The following WWOX variants were observed in gnomAD, a reference collection of about 807,000 sequenced individuals.
The protein encoded by WWOX is WW domain containing oxidoreductase.
In WWOX, 69 loss-of-function variants were observed where a neutral mutation model predicts 46.2. That is an observed-to-expected ratio of 1.49 (90% CI 1.23 to 1.82). The LOEUF (loss-of-function observed/expected upper bound fraction) is 1.82. WWOX is among the 40% of genes most tolerant of loss of function. The pLI, the probability that WWOX is intolerant of heterozygous loss-of-function variation, is 0.00. For missense variants in WWOX, 919 were observed against 542.6 expected (o/e 1.69, Z -6.89); for synonymous variants, 359 against 202.6 (o/e 1.77, Z -6.56).
chr16:78,994,664 A>C (rs1012427622), intron 8 of WWOX, among the ~76,000 whole-genome samples: 2 of 152,206 alleles, frequency 1.3e-5, no homozygotes, highest in African/African-American at 4.8e-5. Context: ...AGGAAGCCCA[A>C]TCGCGTCACA....
intron 8 of WWOX, chr16:78,996,151 A>AAT (rs2046983308): frequency 1.2e-6 from 1 of 848,062 alleles, no homozygotes; most frequent in Non-Finnish European, 1.4e-6. Context: ...CTTTTTTTTA[A>AAT]TTTTTTTTTT....
At chr16:78,470,511 T>G (rs1408410323) in intron 8 of WWOX, among the ~76,000 whole-genome samples, 1 of 151,942 alleles carries the variant, frequency 6.6e-6, no homozygotes, top group Non-Finnish European at 1.5e-5. Flanking sequence ...TTTTCATGTA[T>G]GTATATATGT....
intron 8 of WWOX, among the ~76,000 whole-genome samples, chr16:78,594,899 G>A (rs954562569): frequency 2.0e-5 from 3 of 152,162 alleles, no homozygotes; most frequent in Non-Finnish European, 4.4e-5. Context: ...CATATTGCAA[G>A]TAAAGAATTA....
intron 8 of WWOX, among the ~76,000 whole-genome samples, chr16:78,932,130 AAC>A (rs1184633153): frequency 6.6e-6 from 1 of 152,210 alleles, no homozygotes; most frequent in African/African-American, 2.4e-5. Context: ...GCAGCATGAG[AAC>A]AAACTAATAC....
chr16:78,311,852 A>G (rs1486175232), intron 5 of WWOX, among the ~76,000 whole-genome samples: 1 of 152,164 alleles, frequency 6.6e-6, no homozygotes, highest in Non-Finnish European at 1.5e-5. Context: ...GTGTCTTGAG[A>G]CAAGACATTT....
intron 8 of WWOX, among the ~76,000 whole-genome samples, chr16:78,838,361 C>A (rs1285220093): frequency 6.6e-6 from 1 of 152,112 alleles, no homozygotes; most frequent in African/African-American, 2.4e-5. Context: ...GGCGCTCCTG[C>A]ATGTTGATTC....
chr16:78,395,255 A>G (rs1239702076), intron 6 of WWOX, among the ~76,000 whole-genome samples: 1 of 152,202 alleles, frequency 6.6e-6, no homozygotes, highest in Non-Finnish European at 1.5e-5. Flanking sequence ...GTGATGTCTC[A>G]TGCCTGTTAT....
At chr16:78,737,163 G>A (rs1280358052) in intron 8 of WWOX, among the ~76,000 whole-genome samples, 1 of 151,762 alleles carries the variant, frequency 6.6e-6, no homozygotes, top group African/African-American at 2.4e-5. Flanking sequence ...GCAGTGGTAT[G>A]ATCTCGGCTC....
At chr16:78,665,369 A>G (rs1303391813) in intron 8 of WWOX, among the ~76,000 whole-genome samples, 1 of 152,192 alleles carries the variant, frequency 6.6e-6, no homozygotes, top group Non-Finnish European at 1.5e-5. Flanking sequence ...GAATATAACT[A>G]TTAAATAATT....
intron 8 of WWOX, among the ~76,000 whole-genome samples, chr16:78,909,501 G>A (rs899011238): frequency 1.3e-5 from 2 of 152,156 alleles, no homozygotes; most frequent in African/African-American, 4.8e-5. Context: ...AGTGTGCACG[G>A]TTGGCCTCCT....
At chr16:78,789,119 C>T (rs988732880) in intron 8 of WWOX, among the ~76,000 whole-genome samples, 5 of 152,022 alleles carry the variant, frequency 3.3e-5, no homozygotes, top group South Asian at 4.2e-4. Flanking sequence ...AGGTCATGAA[C>T]GTTTACCTCT....
intron 8 of WWOX, among the ~76,000 whole-genome samples, chr16:78,576,310 GCTTT>G (rs1346166298): frequency 5.9e-5 from 9 of 152,276 alleles, no homozygotes; most frequent in Middle Eastern, 3.4e-3. Context: ...AAAATGTCCA[GCTTT>G]CTTTCTTTTA....
rs62034047 is a variant in WWOX, at chr16:78,245,047, C to T, written c.516+80758C>T. Among the ~76,000 whole-genome samples, 623 of 152,276 alleles carry T rather than the reference C, an allele frequency of 4.1e-3. 4 individuals carry two copies. The highest frequency in any genetic ancestry group is 6.1e-3 in the Non-Finnish European group (418 of 68,020). The stretch of plus-strand genomic sequence containing the variant: ...TTGTTACAATTGTGGCATATGTACT[C>T]GTGATGGATTTGCTTGTTATCTCTA... On this transcript the variant is annotated intron_variant, in intron 5 of 8. Transcript: ENST00000566780.
chr16:78,805,348 C>A (rs2051002816), intron 8 of WWOX, among the ~76,000 whole-genome samples: 1 of 152,276 alleles, frequency 6.6e-6, no homozygotes, highest in East Asian at 1.9e-4. Context: ...GCAAGCTCCG[C>A]CTCCCGGGTT....
At chr16:78,535,725 A>C (rs149841172) in intron 8 of WWOX, 1 of 152,180 alleles carries the variant, frequency 6.6e-6, no homozygotes, top group African/African-American at 2.4e-5. Context: ...CTTTGTTACA[A>C]TGTATGTTCA....
At chr16:78,996,719 C>T (rs2046997361) in intron 8 of WWOX, among the ~76,000 whole-genome samples, 1 of 152,100 alleles carries the variant, frequency 6.6e-6, no homozygotes, top group African/African-American at 2.4e-5. Context: ...AGAAAGTAAA[C>T]AGCCCATGAA....
At chr16:78,805,585 C>G (rs1230042565) in intron 8 of WWOX, among the ~76,000 whole-genome samples, 4 of 152,134 alleles carry the variant, frequency 2.6e-5, no homozygotes, top group African/African-American at 4.8e-5. Context: ...TCCCGGCCTA[C>G]AGCATAGATT....
chr16:78,462,723 C>G lies in WWOX; in HGVS notation c.1056+29971C>G, dbSNP rs1374847293. Among the ~76,000 whole-genome samples the G allele has an allele frequency of 2.0e-5, 3 of 152,340 alleles. No individual in the cohort carries two copies. The East Asian group carries it at 5.8e-4, about 29-fold the overall frequency. ...AGGTGCAATAACATCTTAATACAAA[C>G]TGGCGTATGTTATAGTTACTGTCAG... On this transcript the variant is annotated intron_variant, in intron 8 of 8. Coordinates refer to ENST00000566780, the MANE Select transcript of WWOX (RefSeq NM_016373.4).
At chr16:78,608,844 G>A (rs1244485827) in intron 8 of WWOX, among the ~76,000 whole-genome samples, 1 of 152,128 alleles carries the variant, frequency 6.6e-6, no homozygotes, top group East Asian at 1.9e-4. Flanking sequence ...TTATAGAAAT[G>A]ACAAAGGGTC....
Sources: allele counts gnomAD v4.1 joint callset (sites outside exome capture counted in the v4.1 genomes callset), GRCh38; gene constraint gnomAD v4.1.1; transcripts MANE v1.5; gene names NCBI Gene and HGNC (gene_info 2026-07-23, HGNC 2026-07-21).